The following CDKAL1 variants were observed in gnomAD, a reference collection of about 807,000 sequenced individuals.
CDKAL1 encodes the protein CDKAL1 threonylcarbamoyladenosine tRNA methylthiotransferase.
Under a neutral mutation model 68.2 loss-of-function variants are expected in CDKAL1, and 32 were observed. The observed-to-expected ratio is 0.47, with a 90% CI of 0.35 to 0.63. The LOEUF (loss-of-function observed/expected upper bound fraction) is 0.63. Ranked by LOEUF, CDKAL1 falls within the 30% of genes least tolerant of loss-of-function variation. The probability of loss-of-function intolerance (pLI) is 0.00; values close to 1 mark genes in which losing one functional copy is unlikely to be tolerated. For synonymous variants in CDKAL1, 234 were observed against 244.3 expected (o/e 0.96, Z 0.39); for missense variants, 606 against 696.7 (o/e 0.87, Z 1.47).
intron 5 of CDKAL1, among the ~76,000 whole-genome samples, chr6:20,650,163 T>G (rs1282066808): frequency 6.6e-6 from 1 of 152,222 alleles, no homozygotes; most frequent in Non-Finnish European, 1.5e-5. Flanking sequence ...ATGGTTTAAT[T>G]AATTTACATT....
chr6:21,177,804 G>A (rs1777645179), intron 13 of CDKAL1, among the ~76,000 whole-genome samples: 2 of 152,042 alleles, frequency 1.3e-5, no homozygotes, highest in African/African-American at 4.8e-5. Context: ...GATAATGAGA[G>A]CAGACACGTG....
At chr6:21,024,226 G>C (rs1028304257) in intron 11 of CDKAL1, among the ~76,000 whole-genome samples, 11 of 152,310 alleles carry the variant, frequency 7.2e-5, no homozygotes, top group African/African-American at 2.4e-4. Context: ...ACAAAGTATA[G>C]AATGGTTTTA....
At chr6:21,107,737 A>T (rs1773921267) in intron 12 of CDKAL1, among the ~76,000 whole-genome samples, 4 of 152,174 alleles carry the variant, frequency 2.6e-5, no homozygotes, top group Admixed American at 2.6e-4. Flanking sequence ...CGGCCAAAAG[A>T]GCCTTCTCTT....
At chr6:21,045,133 T>TC (rs1338998412) in intron 11 of CDKAL1, among the ~76,000 whole-genome samples, 1 of 152,188 alleles carries the variant, frequency 6.6e-6, no homozygotes, top group African/African-American at 2.4e-5. Flanking sequence ...ACACCATCAT[T>TC]CAAACCATAG....
intron 9 of CDKAL1, among the ~76,000 whole-genome samples, chr6:20,935,429 G>A (rs914422500): frequency 1.2e-4 from 17 of 147,306 alleles, no homozygotes; most frequent in African/African-American, 4.2e-4. Context: ...TGGAAAATTA[G>A]ACTTTTTTTT....
intron 5 of CDKAL1, among the ~76,000 whole-genome samples, chr6:20,678,777 T>C (rs1188672259): frequency 2.0e-5 from 3 of 152,200 alleles, no homozygotes. Flanking sequence ...TTTTATTTAC[T>C]ATGTTTCTTT....
chr6:21,068,416 G>A (rs986817421), intron 12 of CDKAL1, among the ~76,000 whole-genome samples: 1 of 152,066 alleles, frequency 6.6e-6, no homozygotes, highest in African/African-American at 2.4e-5. Flanking sequence ...GGTTTCAGGG[G>A]AAGTTCACGT....
At chr6:20,553,995 T>C (rs1316659355) in intron 4 of CDKAL1, among the ~76,000 whole-genome samples, 1 of 151,972 alleles carries the variant, frequency 6.6e-6, no homozygotes, top group African/African-American at 2.4e-5. Flanking sequence ...AATTTTTGTA[T>C]TTTTAGTAAC....
chr6:20,869,632 T>C (rs1760093088), intron 9 of CDKAL1, among the ~76,000 whole-genome samples: 1 of 152,162 alleles, frequency 6.6e-6, no homozygotes, highest in Non-Finnish European at 1.5e-5. Context: ...GTATTTGAGG[T>C]TATATATTGT....
chr6:20,682,375 A>C (rs1350319324), intron 5 of CDKAL1, among the ~76,000 whole-genome samples: 1 of 152,208 alleles, frequency 6.6e-6, no homozygotes, highest in African/African-American at 2.4e-5. Context: ...CATACCTGAG[A>C]CTGGATAATT....
intron 9 of CDKAL1, among the ~76,000 whole-genome samples, chr6:20,866,490 A>G (rs1396863519): frequency 6.6e-6 from 1 of 152,238 alleles, no homozygotes; most frequent in Non-Finnish European, 1.5e-5. Context: ...CCATTTGGGC[A>G]TAAGAGCCAT....
intron 5 of CDKAL1, among the ~76,000 whole-genome samples, chr6:20,680,942 A>C (rs1412683101): frequency 6.6e-6 from 1 of 152,218 alleles, no homozygotes; most frequent in Non-Finnish European, 1.5e-5. Flanking sequence ...TCAGGATGTG[A>C]CTTCGAGAAG....
chr6:20,787,269 AT>A (rs148378083), intron 8 of CDKAL1, among the ~76,000 whole-genome samples: 2,262 of 152,112 alleles, frequency 0.015, 58 homozygotes, highest in African/African-American at 0.052. Flanking sequence ...TTTAAAAAGC[AT>A]TTTTTTCCCC....
rs1215877224 is a variant in CDKAL1 at position 21,190,622 on chromosome 6, C to T, written c.1300-7399C>T. 2.6e-5 allele frequency among the ~76,000 whole-genome samples: 4 copies of T among 152,198 alleles called. 1 individual carries two copies. The highest frequency in any genetic ancestry group is 9.7e-5 in the African/African-American group (4 of 41,450). On this transcript the variant is annotated intron_variant, in intron 13 of 15. Coordinates refer to ENST00000274695, the MANE Select transcript of CDKAL1 (RefSeq NM_017774.3). ...CCTCAGGTGATCCACCCGCCTCGGCCTCCCAAAGTTCTGGGATTACAGGCG... is the reference window on the plus strand; with the variant it reads ...CCTCAGGTGATCCACCCGCCTCGGCTTCCCAAAGTTCTGGGATTACAGGCG...
rs1412129241 is a variant in CDKAL1, at chr6:21,065,223, C to G, written c.1231C>G (p.Gln411Glu). ...PAAKMEQVPA[Q>E]VKKQRTKDLS... ...TGCAAAAATGGAACAAGTTCCAGCACAAGTGGTAAGATCTTTTTCTTGTAA... is the reference window on the plus strand; with the variant it reads ...TGCAAAAATGGAACAAGTTCCAGCAGAAGTGGTAAGATCTTTTTCTTGTAA... The change falls in exon 12 of 16, where the codon CAA becomes GAA. Residue 411 changes from glutamine (Q) to glutamate (E), a missense_variant. Gln to Glu is a conservative substitution (Grantham distance 29). Transcript: ENST00000274695. 1.2e-6 allele frequency: 2 copies of G among 1,602,022 alleles called. No homozygotes were observed. The highest frequency in any genetic ancestry group is 4.5e-5 in the East Asian group (2 of 44,198).
intron 5 of CDKAL1, among the ~76,000 whole-genome samples, chr6:20,672,833 A>G (rs1388218577): frequency 2.6e-5 from 4 of 151,482 alleles, no homozygotes. Flanking sequence ...CTGGACTGCA[A>G]TGGCACGATC....
intron 5 of CDKAL1, among the ~76,000 whole-genome samples, chr6:20,706,687 C>A (rs77818591): frequency 0.015 from 2,274 of 152,268 alleles, 49 homozygotes; most frequent in African/African-American, 0.052. Flanking sequence ...TATACAAGGT[C>A]ATAAATAATC....
chr6:20,654,118 A>G (rs1768912887), intron 5 of CDKAL1, among the ~76,000 whole-genome samples: 6 of 146,736 alleles, frequency 4.1e-5, no homozygotes, highest in African/African-American at 1.5e-4. Context: ...TCTGACCTCA[A>G]GTGATCCACC....
In CDKAL1 at chr6:20,685,468, A is replaced by G. The variant is rs139927215; in HGVS notation, c.371+36091A>G. Among the ~76,000 whole-genome samples, 262 of 152,174 alleles carry G rather than the reference A, an allele frequency of 1.7e-3. 2 individuals carry two copies. Among genetic ancestry groups the G allele is most frequent in the African/African-American group, 5.6e-3 (234 of 41,502 alleles). On this transcript the variant is annotated intron_variant, in intron 5 of 15. Transcript: ENST00000274695. ...GACTTTATTCTTCTCTTTTAATATT[A>G]TGTTGGCTATTCTAGGTCTTTTGCC...
Sources: allele counts gnomAD v4.1 joint callset (sites outside exome capture counted in the v4.1 genomes callset), GRCh38; gene constraint gnomAD v4.1.1; transcripts MANE v1.5; gene names NCBI Gene and HGNC (gene_info 2026-07-23, HGNC 2026-07-21).